The following CNGA4 variants were observed in gnomAD, a reference collection of about 807,000 sequenced individuals.
CNGA4 encodes the protein cyclic nucleotide-gated channel alpha-4.
A neutral mutation model predicts 45.6 loss-of-function variants in CNGA4; 32 were observed. That is an observed-to-expected ratio of 0.70 (90% confidence interval 0.53 to 0.94). The LOEUF is 0.94. Among genes scored for constraint, CNGA4 ranks in the 40% least tolerant of loss-of-function variants. CNGA4 has a pLI of 0.00. For synonymous variants in CNGA4, 293 were observed against 304.6 expected, an observed-to-expected ratio of 0.96 and a Z score of 0.40; for missense variants, 726 against 755.1, an observed-to-expected ratio of 0.96 and a Z score of 0.45.
At chr11:6,239,617 G>C in intron 2 of CNGA4, 67 bp from the exon 3 acceptor site, 1 of 1,573,768 alleles carries the variant, frequency 6.4e-7, no homozygotes, top group Non-Finnish European at 8.7e-7. Flanking sequence ...AGGGTTAAGG[G>C]CCCTGGGGAG....
chr11:6,236,477 T>C (rs1044711366), upstream of CNGA4, among the ~76,000 whole-genome samples: 4 of 152,184 alleles, frequency 2.6e-5, no homozygotes, highest in Non-Finnish European at 4.4e-5. Flanking sequence ...TAGATCACCA[T>C]GGTTTGATGA....
intron 3 of CNGA4, 116 bp downstream of exon 3, chr11:6,239,906 C>T: frequency 1.5e-6 from 2 of 1,338,188 alleles, no homozygotes; most frequent in Non-Finnish European, 2.1e-6. Flanking sequence ...TGCCTCTATG[C>T]CTGACAGCAT....
downstream of CNGA4, chr11:6,244,501 A>G: frequency 3.2e-6 from 4 of 1,250,322 alleles, no homozygotes; most frequent in Admixed American, 4.6e-5. The surrounding 1 kb of genome is among the most constrained non-coding windows in gnomAD (Gnocchi z 4.5). Context: ...TGTCTGCGAG[A>G]TCACAGACAC....
chr11:6,244,393 C>T lies in CNGA4; in HGVS notation c.1712C>T (p.Pro571Leu), dbSNP rs1295089507. ...DEEGRASQEG[P>L]PGPE is the part of the protein sequence containing the mutation. ...GAGGGCAGGGCCAGCCAGGAGGGAC[C>T]CCCAGGTCCAGAGTGACCCCATCCC... Residue 571 changes from proline to leucine, a missense_variant, in exon 6 of 6, where the codon CCC (proline) becomes CTC (leucine). Physicochemically the swap from Pro to Leu is moderately conservative, Grantham distance 98. Coordinates refer to ENST00000379936, the MANE Select transcript of CNGA4 (RefSeq NM_001037329.4). This position sits in a 1 kb window ranked among gnomAD's most constrained non-coding sequence, Gnocchi z 4.5. 2 of 1,611,470 alleles carry T rather than the reference C, an allele frequency of 1.2e-6. No individual in the cohort carries two copies. The highest frequency in any genetic ancestry group is 2.7e-5 in the African/African-American group (2 of 74,926).
intron 5 of CNGA4, among the ~76,000 whole-genome samples, chr11:6,243,651 C>T (rs1232864337): frequency 6.6e-6 from 1 of 152,166 alleles, no homozygotes; most frequent in Non-Finnish European, 1.5e-5. Context: ...GGTAGGGGCT[C>T]TTTGCCTACC....
rs1847923683 is a variant in CNGA4 at position 6,241,760 on chromosome 11, TCAG to T, written c.1250_1252del (p.Ser417del). The T allele has an allele frequency of 6.2e-7, 1 of 1,613,840 alleles. No individual in the cohort carries two copies. The highest frequency in any genetic ancestry group is 1.7e-5 in the Admixed American group (1 of 59,978). ...GGTGCAGGGCTCTACTTTGGGGAGA[TCAG>T]CATCATCAACATCAAAGGTGGGTAT... is the stretch of plus-strand genomic sequence containing the variant. On this transcript the variant is annotated inframe_deletion, in exon 5 of 6. Transcript: ENST00000379936.
At chr11:6,243,901 C>A (rs1847951370) in intron 5 of CNGA4, 48 bp from the exon 6 acceptor site, 1 of 1,561,566 alleles carries the variant, frequency 6.4e-7, no homozygotes, top group Admixed American at 1.7e-5. Flanking sequence ...AATGCCACCT[C>A]CTCACCCTCC....
At position 6,244,033 on chromosome 11, in the gene CNGA4, G is replaced by T. The variant is rs763104256; in HGVS notation, c.1352G>T (p.Arg451Leu). 1.2e-6 allele frequency: 2 copies of T among 1,614,168 alleles called. No homozygotes were observed. Among genetic ancestry groups the T allele is most frequent in the Non-Finnish European group, 1.7e-6 (2 of 1,180,028 alleles). ...DLFCLSKEDL[R>L]EVLSEYPQAQ... The stretch of plus-strand genomic sequence containing the variant: ...TTCTGCCTGAGCAAGGAGGACCTGC[G>T]GGAGGTGCTGAGCGAGTATCCACAA... Residue 451 changes from arginine (R) to leucine (L), a missense_variant, in exon 6 of 6, where the codon CGG becomes CTG. Transcript: ENST00000379936. The surrounding 1 kb of genome is among the most constrained non-coding windows in gnomAD (Gnocchi z 4.5).
intron 1 of CNGA4, 29 bp from the exon 2 acceptor site, chr11:6,239,355 T>G (rs1302079375): frequency 1.9e-6 from 3 of 1,613,456 alleles, no homozygotes; most frequent in Non-Finnish European, 2.5e-6. Context: ...GCCTGGTGAA[T>G]AAATGAAGCA....
chr11:6,241,330 A>G (rs1022793148), intron 4 of CNGA4, 101 bp from the exon 5 acceptor site: 2 of 908,850 alleles, frequency 2.2e-6, no homozygotes, highest in South Asian at 1.6e-5. Flanking sequence ...AGATCTCAGT[A>G]TGGTGGGATT....
intron 5 of CNGA4, among the ~76,000 whole-genome samples, chr11:6,242,686 C>T (rs921781700): frequency 6.6e-6 from 1 of 152,078 alleles, no homozygotes; most frequent in Non-Finnish European, 1.5e-5. Context: ...AATCACCTAT[C>T]CAATGAGGAC....
upstream of CNGA4, among the ~76,000 whole-genome samples, chr11:6,236,848 G>C (rs1306744028): frequency 6.6e-6 from 1 of 152,172 alleles, no homozygotes; most frequent in African/African-American, 2.4e-5. Context: ...CACAAATTCT[G>C]GGAATTTGGA....
At chr11:6,242,780 A>G (rs934959198) in intron 5 of CNGA4, among the ~76,000 whole-genome samples, 4 of 152,234 alleles carry the variant, frequency 2.6e-5, no homozygotes, top group Non-Finnish European at 5.9e-5. Flanking sequence ...GCATACAGCA[A>G]GTGTTCAACA....
At position 6,239,615 on chromosome 11, in the gene CNGA4, G is replaced by C. The variant is rs971202902; in HGVS notation, c.165-69G>C. 4.5e-6 allele frequency: 7 copies of C among 1,571,554 alleles called. No individual in the cohort carries two copies. In the African/African-American group the frequency reaches 9.5e-5, roughly 21 times the overall value. On this transcript the variant is annotated intron_variant, in intron 2 of 5. Coordinates refer to ENST00000379936, the MANE Select transcript of CNGA4 (RefSeq NM_001037329.4). ...GGGAGGGCCTGAGGCAGAGGGTTAA[G>C]GGCCCTGGGGAGACGCCTCGCACAC...
chr11:6,243,228 G>A (rs325704), intron 5 of CNGA4, among the ~76,000 whole-genome samples: 2 of 152,020 alleles, frequency 1.3e-5, no homozygotes, highest in African/African-American at 4.8e-5. Flanking sequence ...AAAGAAATAT[G>A]TGAGACTGGA....
upstream of CNGA4, among the ~76,000 whole-genome samples, chr11:6,238,174 T>G (rs989068825): frequency 3.3e-5 from 5 of 152,238 alleles, no homozygotes; most frequent in African/African-American, 1.2e-4. Context: ...AGAGTACTCA[T>G]CAGCAGCCTG....
At chr11:6,238,003 C>T (rs369975916), upstream of CNGA4, among the ~76,000 whole-genome samples, 7 of 152,348 alleles carry the variant, frequency 4.6e-5, no homozygotes, top group Non-Finnish European at 8.8e-5. Flanking sequence ...CAGTCACCCA[C>T]GCTTTTTGAT....
intron 5 of CNGA4, 139 bp from the exon 6 acceptor site, chr11:6,243,810 T>C: frequency 2.7e-6 from 2 of 748,616 alleles, no homozygotes. Flanking sequence ...CCCAGTATGT[T>C]ACTAAATGAA....
rs745412281 is a variant in CNGA4 at position 6,240,273 on chromosome 11, G to T, written c.479G>T (p.Arg160Leu). The change falls in exon 4 of 6, where the codon CGC (arginine) becomes CTC (leucine). Residue 160 changes from arginine to leucine, a missense_variant. Transcript: ENST00000379936. This position sits in a 1 kb window ranked among gnomAD's most constrained non-coding sequence, Gnocchi z 4.9. ...LFEAFDRTETRTAYPNAFRIA... is the reference protein window; with the variant it reads ...LFEAFDRTETLTAYPNAFRIA... The stretch of plus-strand genomic sequence containing the variant: ...GAGGCCTTCGACCGCACAGAGACCC[G>T]CACAGCTTACCCAAATGCCTTTCGC... 5.6e-6 allele frequency: 9 copies of T among 1,614,064 alleles called. No homozygotes were observed. In the East Asian group the frequency reaches 1.1e-4, roughly 20 times the overall value.
Sources: allele counts gnomAD v4.1 joint callset (sites outside exome capture counted in the v4.1 genomes callset), GRCh38; gene constraint gnomAD v4.1.1; non-coding constraint Gnocchi (gnomAD v3.1); transcripts MANE v1.5; gene names NCBI Gene and HGNC (gene_info 2026-07-23, HGNC 2026-07-21).